Variants in TMLHE observed in about 807,000 individuals in gnomAD.
TMLHE encodes trimethyllysine hydroxylase, epsilon.
TMLHE carries 18 observed loss-of-function variants against 25.7 expected under a neutral mutation model. The ratio of observed to expected loss-of-function variants is 0.70; its 90% CI spans 0.48 to 1.04. The LOEUF is 1.04. TMLHE is among the 50% of genes least tolerant of loss of function. The probability of loss-of-function intolerance (pLI) is 0.00; values close to 1 mark genes in which losing one functional copy is unlikely to be tolerated. For synonymous variants in TMLHE, 105 were observed against 97.0 expected, an observed-to-expected ratio of 1.08 and a Z score of -0.49; for missense variants, 236 against 259.0, an observed-to-expected ratio of 0.91 and a Z score of 0.61.
intron 1 of TMLHE, among the ~76,000 whole-genome samples, chrX:155,555,744 G>A (rs1294735732): frequency 1.8e-5 from 2 of 110,280 alleles, no homozygotes; most frequent in African/African-American, 6.6e-5. Flanking sequence ...AAGTTTGTTT[G>A]AGTTCTTTGT....
At chrX:155,552,265 A>T (rs1162682718) in intron 1 of TMLHE, among the ~76,000 whole-genome samples, 1 of 110,209 alleles carries the variant, frequency 9.1e-6, no homozygotes, top group East Asian at 2.8e-4. Context: ...AGTTGTAAAG[A>T]CATCTATTTT....
intron 1 of TMLHE, among the ~76,000 whole-genome samples, chrX:155,548,884 A>T (rs1208686182): frequency 2.7e-5 from 3 of 111,118 alleles, no homozygotes; most frequent in African/African-American, 1.0e-4. Context: ...ATGATTAGGG[A>T]ATTGTAATCT....
At chrX:155,560,337 C>G (rs1557341614) in intron 1 of TMLHE, among the ~76,000 whole-genome samples, 1 of 110,202 alleles carries the variant, frequency 9.1e-6, no homozygotes, top group African/African-American at 3.3e-5. Flanking sequence ...TGTCGGGTGT[C>G]TACTTTGTGC....
intron 1 of TMLHE, among the ~76,000 whole-genome samples, chrX:155,558,731 G>C (rs1557341250): frequency 9.0e-6 from 1 of 111,482 alleles, no homozygotes; most frequent in African/African-American, 3.3e-5. Flanking sequence ...ATGTTAATCA[G>C]CACTCTTTGA....
intron 5 of TMLHE, among the ~76,000 whole-genome samples, chrX:155,509,719 A>G (rs1300502874): frequency 9.0e-6 from 1 of 111,451 alleles, no homozygotes; most frequent in Non-Finnish European, 1.9e-5. Flanking sequence ...TAAGTTATAA[A>G]CCCTTAAAGG....
At position 155,540,910 on chromosome X, in the gene TMLHE, A is replaced by C. The variant is rs781884207; in HGVS notation, c.181+4186T>G. The stretch of plus-strand genomic sequence containing the variant: ...AACCCTAAATATTCCATATGCAATA[A>C]AAAGTATTATAACTAATAAATGATG... On this transcript the variant is annotated intron_variant, in intron 2 of 7. Transcript: ENST00000334398. Among the ~76,000 whole-genome samples, 183 of 111,583 alleles carry C rather than the reference A, an allele frequency of 1.6e-3. 1 individual carries two copies. The highest frequency in any genetic ancestry group is 3.0e-3 in the Non-Finnish European group (157 of 53,034).
At position 155,571,333 on chromosome X, in the gene TMLHE, C is replaced by A. The variant is rs1441961995; in HGVS notation, c.-1-26056G>T. ...CCAATAACAGGCTCTGAAATTGTGGCAATAATCAATAGCTTACCAACCAAA... is the reference window on the plus strand; with the variant it reads ...CCAATAACAGGCTCTGAAATTGTGGAAATAATCAATAGCTTACCAACCAAA... On this transcript the variant is annotated intron_variant, in intron 1 of 7. Coordinates refer to ENST00000334398, the MANE Select transcript of TMLHE (RefSeq NM_018196.4). 7.3e-5 allele frequency among the ~76,000 whole-genome samples: 4 copies of A among 55,081 alleles called. 2 individuals are homozygous for A. The highest frequency in any genetic ancestry group is 1.9e-4 in the Non-Finnish European group (4 of 21,403). The allele number at this position is 55,081 out of a possible 115,157, so 47.8% of individuals were successfully genotyped here. A position where few individuals can be genotyped will look rare whatever the true frequency, so the allele number is the denominator to read the frequency against.
intron 1 of TMLHE, among the ~76,000 whole-genome samples, chrX:155,557,933 T>A (rs182840306): frequency 2.7e-5 from 3 of 112,007 alleles, no homozygotes; most frequent in African/African-American, 9.7e-5. Flanking sequence ...TCCAGGCCCA[T>A]CATTATTTCT....
chrX:155,515,612 T>A (rs2067147374), intron 3 of TMLHE, among the ~76,000 whole-genome samples: 1 of 112,017 alleles, frequency 8.9e-6, no homozygotes, highest in South Asian at 3.7e-4. Flanking sequence ...TACATATGTG[T>A]CCATCAAAAT....
At chrX:155,610,359 G>A (rs2067811533) in intron 1 of TMLHE, among the ~76,000 whole-genome samples, 1 of 111,798 alleles carries the variant, frequency 8.9e-6, no homozygotes, top group African/African-American at 3.2e-5. Flanking sequence ...ACTGCAGATG[G>A]GCAAGGAAGA....
rs202078084 is a variant in TMLHE at position 155,603,369 on chromosome X, T to TGAAAGAAAGAAAGAAAGAAA, written c.-2+9403_-2+9422dup. Among the ~76,000 whole-genome samples, 63 of 99,305 alleles carry TGAAAGAAAGAAAGAAAGAAA rather than the reference T, an allele frequency of 6.3e-4. 1 individual carries two copies. The highest frequency in any genetic ancestry group is 2.1e-3 in the African/African-American group (53 of 25,753). The allele number at this position is 99,305 out of a possible 115,157, so 86.2% of individuals were successfully genotyped here. ...AGAAAGAAGAAAAGAAAAGAAAGAA[T>TGAAAGAAAGAAAGAAAGAAA]GAAAGAAAGAAAGAAAGAAAGAAAG... On this transcript the variant is annotated intron_variant, in intron 1 of 7. Coordinates refer to ENST00000334398, the MANE Select transcript of TMLHE (RefSeq NM_018196.4).
In TMLHE at chrX:155,507,095, A is replaced by G. The variant is rs782537274; in HGVS notation, c.798T>C (p.Gly266=). The G allele has an allele frequency of 9.0e-5, 109 of 1,207,808 alleles. No homozygotes were observed. Among genetic ancestry groups the G allele is most frequent in the Middle Eastern group, 2.3e-4 (1 of 4,356 alleles). The stretch of plus-strand genomic sequence containing the variant: ...ATCCATCTACTAGCAGTGTCCTGCC[A>G]CCAGTTCCTTCATGTTTAAGACAAT... The part of the protein sequence containing the change: ...VFHCLKHEGT[G]GRTLLVDGFY... Residue 266 remains glycine, a synonymous_variant, in exon 6 of 8, where the codon GGT becomes GGC. Coordinates refer to ENST00000334398, the MANE Select transcript of TMLHE (RefSeq NM_018196.4).
intron 1 of TMLHE, among the ~76,000 whole-genome samples, chrX:155,608,704 C>T (rs1603103281): frequency 9.0e-6 from 1 of 110,923 alleles, no homozygotes; most frequent in Non-Finnish European, 1.9e-5. Flanking sequence ...CTTAAATTAA[C>T]AAGCAAAAAC....
In TMLHE at chrX:155,571,127, C is replaced by T. The variant is rs1463144928; in HGVS notation, c.-1-25850G>A. Among the ~76,000 whole-genome samples, 2 of 56,470 alleles carry T rather than the reference C, an allele frequency of 3.5e-5. 1 individual carries two copies. Among genetic ancestry groups the T allele is most frequent in the Non-Finnish European group, 9.2e-5 (2 of 21,734 alleles). The allele number at this position is 56,470 out of a possible 115,157, so 49.0% of individuals were successfully genotyped here. ...AGAAAAGAGAGAAGAATCAAATAGA[C>T]GCAATAAAAAATGATAAAGGGGATA... On this transcript the variant is annotated intron_variant, in intron 1 of 7. Transcript: ENST00000334398.
chrX:155,550,969 A>G lies in TMLHE; in HGVS notation c.-1-5692T>C, dbSNP rs191771237. ...GAAAAATGGGACCAAAGATATTTTTACTTTTAGTAAATAAAGCGCATCAAC... is the reference window on the plus strand; with the variant it reads ...GAAAAATGGGACCAAAGATATTTTTGCTTTTAGTAAATAAAGCGCATCAAC... On this transcript the variant is annotated intron_variant, in intron 1 of 7. Transcript: ENST00000334398. Among the ~76,000 whole-genome samples, 219 of 110,750 alleles carry G rather than the reference A, an allele frequency of 2.0e-3. 5 individuals carry two copies. Among genetic ancestry groups the G allele is most frequent in the Non-Finnish European group, 3.0e-3 (160 of 53,079 alleles).
intron 1 of TMLHE, among the ~76,000 whole-genome samples, chrX:155,594,532 A>G (rs1305101201): frequency 2.7e-5 from 3 of 112,392 alleles, no homozygotes; most frequent in Non-Finnish European, 5.6e-5. Flanking sequence ...AACATAAAAC[A>G]TATGAAAATG....
intron 1 of TMLHE, among the ~76,000 whole-genome samples, chrX:155,598,706 A>C (rs781869047): frequency 9.0e-6 from 1 of 110,757 alleles, no homozygotes; most frequent in Admixed American, 9.6e-5. Flanking sequence ...GTATAATAAT[A>C]ATAATAATAA....
At position 155,545,077 on chromosome X, in the gene TMLHE, G is replaced by C. The variant is rs782711822; in HGVS notation, c.181+19C>G. ...TTACCACAAGTTTTAAAAAGTATCT[G>C]TCTTCACACATCTCTTACCAAAATG... On this transcript the variant is annotated intron_variant, in intron 2 of 7. Transcript: ENST00000334398. The C allele has an allele frequency of 5.9e-5, 71 of 1,202,083 alleles. No homozygotes were observed. Among genetic ancestry groups the C allele is most frequent in the Non-Finnish European group, 7.7e-5 (69 of 890,965 alleles).
intron 1 of TMLHE, among the ~76,000 whole-genome samples, chrX:155,601,156 A>G (rs2067754136): frequency 8.9e-6 from 1 of 112,301 alleles, no homozygotes; most frequent in Non-Finnish European, 1.9e-5. Context: ...CAATACACAA[A>G]GACAGAGAAT....
Sources: allele counts gnomAD v4.1 joint callset (sites outside exome capture counted in the v4.1 genomes callset), GRCh38; gene constraint gnomAD v4.1.1; transcripts MANE v1.5; gene names NCBI Gene and HGNC (gene_info 2026-07-23, HGNC 2026-07-21).